CAMKMT: variants seen among roughly 807,000 people sequenced by gnomAD.
The protein encoded by CAMKMT is calmodulin-lysine N-methyltransferase.
CAMKMT carries 53 observed loss-of-function variants against 48.0 expected under a neutral mutation model. The observed-to-expected ratio is 1.10, with a 90% CI of 0.89 to 1.39. The LOEUF (loss-of-function observed/expected upper bound fraction) is 1.39, where lower values mean the gene tolerates loss of function less well. Among genes scored for constraint, CAMKMT ranks in the 40% most tolerant of loss-of-function variants. The probability of loss-of-function intolerance (pLI) is 0.00; values close to 1 mark genes in which losing one functional copy is unlikely to be tolerated. For missense variants in CAMKMT, 428 were observed against 402.7 expected, an observed-to-expected ratio of 1.06 and a Z score of -0.54; for synonymous variants, 165 against 152.3, an observed-to-expected ratio of 1.08 and a Z score of -0.61.
At chr2:44,622,748 T>C (rs1672268866) in intron 3 of CAMKMT, among the ~76,000 whole-genome samples, 1 of 152,230 alleles carries the variant, frequency 6.6e-6, no homozygotes, top group African/African-American at 2.4e-5. Flanking sequence ...GTTGATGGGC[T>C]GGTTTGATTC....
At chr2:44,586,581 T>C (rs1467242974) in intron 3 of CAMKMT, among the ~76,000 whole-genome samples, 1 of 152,190 alleles carries the variant, frequency 6.6e-6, no homozygotes, top group Non-Finnish European at 1.5e-5. Context: ...TGAGCATGCT[T>C]TCACTCAGCA....
intron 3 of CAMKMT, among the ~76,000 whole-genome samples, chr2:44,612,968 T>A (rs1671679692): frequency 6.6e-6 from 1 of 152,234 alleles, no homozygotes; most frequent in South Asian, 2.1e-4. Flanking sequence ...GTTGTCTGCA[T>A]ACACATTTCT....
intron 7 of CAMKMT, 49 bp from the exon 8 acceptor site, chr2:44,743,573 A>T (rs1679794317): frequency 2.9e-6 from 4 of 1,397,544 alleles, no homozygotes; most frequent in Non-Finnish European, 4.0e-6. Flanking sequence ...CAAAATCAAA[A>T]TTTAAAAAAA....
At chr2:44,617,548 A>G (rs1214465591) in intron 3 of CAMKMT, among the ~76,000 whole-genome samples, 1 of 152,246 alleles carries the variant, frequency 6.6e-6, no homozygotes, top group East Asian at 1.9e-4. Context: ...AAAAGCTCTA[A>G]TCTTCAAGAT....
intron 3 of CAMKMT, among the ~76,000 whole-genome samples, chr2:44,401,520 G>C (rs1313444167): frequency 6.6e-6 from 1 of 151,692 alleles, no homozygotes; most frequent in Non-Finnish European, 1.5e-5. Context: ...TTGTGTCACT[G>C]CACTCCAGAC....
At chr2:44,565,622 A>G (rs1467537102) in intron 3 of CAMKMT, among the ~76,000 whole-genome samples, 1 of 152,154 alleles carries the variant, frequency 6.6e-6, no homozygotes, top group Non-Finnish European at 1.5e-5. Context: ...AAAACAAAAC[A>G]AAACAAAAAA....
At chr2:44,537,065 T>C (rs1218844936) in intron 3 of CAMKMT, among the ~76,000 whole-genome samples, 1 of 152,096 alleles carries the variant, frequency 6.6e-6, no homozygotes, top group Non-Finnish European at 1.5e-5. Context: ...AACTATTAGA[T>C]GAAAACATAG....
At chr2:44,632,923 G>T (rs1470119919) in intron 3 of CAMKMT, among the ~76,000 whole-genome samples, 1 of 152,152 alleles carries the variant, frequency 6.6e-6, no homozygotes, top group Non-Finnish European at 1.5e-5. Flanking sequence ...TCATCTTGCA[G>T]ATGGCCTATT....
At chr2:44,646,245 T>C (rs1673722845) in intron 3 of CAMKMT, among the ~76,000 whole-genome samples, 1 of 152,164 alleles carries the variant, frequency 6.6e-6, no homozygotes. Flanking sequence ...AGAATATGGA[T>C]TCCAGCTAGC....
chr2:44,558,040 TTCATTC>T (rs1558701527), intron 3 of CAMKMT, among the ~76,000 whole-genome samples: 1,938 of 29,148 alleles, frequency 0.066, 35 homozygotes, highest in African/African-American at 0.14. Flanking sequence ...TATTTATTCA[TTCATTC>T]ATTCATTCAT....
At chr2:44,555,746 G>C (rs1191675659) in intron 3 of CAMKMT, among the ~76,000 whole-genome samples, 1 of 152,182 alleles carries the variant, frequency 6.6e-6, no homozygotes, top group Non-Finnish European at 1.5e-5. Flanking sequence ...GAAAGGTAAT[G>C]CCCAAAGAGG....
chr2:44,559,651 A>C (rs1452373290), intron 3 of CAMKMT, among the ~76,000 whole-genome samples: 4 of 152,124 alleles, frequency 2.6e-5, no homozygotes. Context: ...TGAGCAGACT[A>C]GTATGTCTGT....
chr2:44,620,619 T>C (rs1298222205), intron 3 of CAMKMT, among the ~76,000 whole-genome samples: 7 of 152,228 alleles, frequency 4.6e-5, no homozygotes, highest in Non-Finnish European at 1.0e-4. Context: ...CTCTAGCCAA[T>C]TTCATCAGGC....
intron 3 of CAMKMT, among the ~76,000 whole-genome samples, chr2:44,625,339 GA>G (rs1173035154): frequency 6.6e-6 from 1 of 151,966 alleles, no homozygotes; most frequent in African/African-American, 2.4e-5. Flanking sequence ...AGTTGAATTG[GA>G]TACCTTTTTA....
At chr2:44,566,732 G>A (rs1668638016) in intron 3 of CAMKMT, among the ~76,000 whole-genome samples, 1 of 152,198 alleles carries the variant, frequency 6.6e-6, no homozygotes, top group African/African-American at 2.4e-5. Flanking sequence ...TGAGAACCCT[G>A]CTTGACATTT....
chr2:44,725,950 A>G (rs1678758817), intron 7 of CAMKMT, among the ~76,000 whole-genome samples: 1 of 152,090 alleles, frequency 6.6e-6, no homozygotes, highest in Admixed American at 6.5e-5. Context: ...TCACCCAGGT[A>G]GTGAGCATAG....
chr2:44,683,851 AAAAAAGAAAAAG>A (rs1304779945), intron 3 of CAMKMT, among the ~76,000 whole-genome samples: 10 of 148,972 alleles, frequency 6.7e-5, no homozygotes, highest in African/African-American at 2.5e-4. Flanking sequence ...AAAGAAAAAG[AAAAAAGAAAAAG>A]AAAAGAAAAA....
At chr2:44,414,072 T>A (rs1318745281) in intron 3 of CAMKMT, among the ~76,000 whole-genome samples, 1 of 152,208 alleles carries the variant, frequency 6.6e-6, no homozygotes. Context: ...ATAACTTGAA[T>A]GATACCCTCT....
At chr2:44,497,581 G>A (rs915091902) in intron 3 of CAMKMT, among the ~76,000 whole-genome samples, 3 of 152,036 alleles carry the variant, frequency 2.0e-5, no homozygotes, top group Admixed American at 2.0e-4. Flanking sequence ...ATTATTAACT[G>A]TTCTTTTGGG....
Sources: gnomAD v4.1 joint callset for allele counts (sites outside exome capture counted in the v4.1 genomes callset) on GRCh38, gnomAD v4.1.1 for gene constraint, MANE v1.5 for transcripts, NCBI Gene and HGNC (gene_info 2026-07-23, HGNC 2026-07-21) for gene names.